LRRTM4: variants seen among roughly 807,000 people sequenced by gnomAD.
LRRTM4 encodes leucine-rich repeat transmembrane neuronal protein 4.
LRRTM4 carries 25 observed loss-of-function variants against 47.6 expected under a neutral mutation model. The ratio of observed to expected loss-of-function variants is 0.53; its 90% CI spans 0.38 to 0.73. The LOEUF (loss-of-function observed/expected upper bound fraction) is 0.73. Among genes scored for constraint, LRRTM4 ranks in the 30% least tolerant of loss-of-function variants. The probability of loss-of-function intolerance (pLI) is 0.00; values close to 1 mark genes in which losing one functional copy is unlikely to be tolerated. For missense variants in LRRTM4, 638 were observed against 713.4 expected (o/e 0.89, Z 1.20); for synonymous variants, 311 against 269.5 (o/e 1.15, Z -1.51).
chr2:77,224,647 C>T (rs953889946), intron 3 of LRRTM4, among the ~76,000 whole-genome samples: 1 of 152,112 alleles, frequency 6.6e-6, no homozygotes, highest in Non-Finnish European at 1.5e-5. Context: ...AAATGCAAAT[C>T]AAAACCACAA....
chr2:77,139,150 G>T (rs757098235), intron 3 of LRRTM4, among the ~76,000 whole-genome samples: 1 of 152,026 alleles, frequency 6.6e-6, no homozygotes, highest in African/African-American at 2.4e-5. Flanking sequence ...TGATACCAAA[G>T]GCTGACAGAG....
chr2:77,451,836 G>A (rs1462355239), intron 3 of LRRTM4, among the ~76,000 whole-genome samples: 2 of 152,180 alleles, frequency 1.3e-5, no homozygotes, highest in Non-Finnish European at 2.9e-5. Flanking sequence ...TTATAGCTGA[G>A]ACACAAATAG....
chr2:77,342,048 A>G (rs966240981), intron 3 of LRRTM4, among the ~76,000 whole-genome samples: 4 of 151,956 alleles, frequency 2.6e-5, no homozygotes, highest in Admixed American at 2.6e-4. Flanking sequence ...GGTAAGTTTT[A>G]TTACTGCACA....
intron 3 of LRRTM4, among the ~76,000 whole-genome samples, chr2:77,052,571 T>C (rs950550851): frequency 2.0e-5 from 3 of 151,968 alleles, no homozygotes; most frequent in African/African-American, 7.3e-5. Context: ...ATCTTTCAAC[T>C]GGTATTTTTT....
intron 3 of LRRTM4, among the ~76,000 whole-genome samples, chr2:77,494,182 T>C (rs541846651): frequency 2.0e-5 from 3 of 152,290 alleles, no homozygotes; most frequent in African/African-American, 7.2e-5. Context: ...GCTGTTCTTG[T>C]ATATAATAAT....
At chr2:76,841,663 AG>A (rs1671686649) in intron 3 of LRRTM4, among the ~76,000 whole-genome samples, 1 of 148,250 alleles carries the variant, frequency 6.7e-6, no homozygotes, top group Admixed American at 6.7e-5. Flanking sequence ...GGTAACCTGG[AG>A]AAAAAAAAAA....
intron 3 of LRRTM4, among the ~76,000 whole-genome samples, chr2:77,283,796 C>G (rs1676573518): frequency 6.6e-6 from 1 of 151,748 alleles, no homozygotes; most frequent in Admixed American, 6.6e-5. Context: ...CTTAACTTGG[C>G]AACAATAAAA....
intron 3 of LRRTM4, among the ~76,000 whole-genome samples, chr2:77,032,663 T>A (rs115689628): frequency 0.018 from 2,778 of 152,252 alleles, 87 homozygotes; most frequent in African/African-American, 0.064. Flanking sequence ...CATTAATATA[T>A]GTTTTATAGT....
Position 77,005,586 on chromosome 2 carries a change from T to G in LRRTM4, c.1552-256670A>C, listed in dbSNP as rs62170210. Among the ~76,000 whole-genome samples, 8 of 152,066 alleles carry G rather than the reference T, an allele frequency of 5.3e-5. 1 individual carries two copies. Among genetic ancestry groups the G allele is most frequent in the Non-Finnish European group, 1.2e-4 (8 of 68,014 alleles). On this transcript the variant is annotated intron_variant, in intron 3 of 3. Coordinates refer to ENST00000409884, the MANE Select transcript of LRRTM4 (RefSeq NM_001134745.3). ...ATGGAAGGGACCCAGTGGGAGGTAATTGAATCATGGGAGCAGATTTTTCTT... is the reference window on the plus strand; with the variant it reads ...ATGGAAGGGACCCAGTGGGAGGTAAGTGAATCATGGGAGCAGATTTTTCTT...
intron 3 of LRRTM4, among the ~76,000 whole-genome samples, chr2:77,008,521 G>A (rs1439650985): frequency 6.6e-6 from 1 of 152,100 alleles, no homozygotes; most frequent in Non-Finnish European, 1.5e-5. Flanking sequence ...AAGGTTGCTG[G>A]CATTGTCACC....
At chr2:76,960,662 G>A (rs1675827204) in intron 3 of LRRTM4, among the ~76,000 whole-genome samples, 1 of 150,342 alleles carries the variant, frequency 6.7e-6, no homozygotes, top group South Asian at 2.1e-4. Context: ...AGATTAAGAT[G>A]GTATAAAAAT....
intron 3 of LRRTM4, among the ~76,000 whole-genome samples, chr2:77,084,883 T>C (rs1680658320): frequency 6.6e-6 from 1 of 152,202 alleles, no homozygotes; most frequent in Non-Finnish European, 1.5e-5. Context: ...GGCCAGAGTT[T>C]AATGTTTAAT....
intron 3 of LRRTM4, among the ~76,000 whole-genome samples, chr2:76,771,142 A>G (rs1673684871): frequency 6.6e-6 from 1 of 152,202 alleles, no homozygotes; most frequent in Non-Finnish European, 1.5e-5. Flanking sequence ...ACTTTTTACA[A>G]GGTAACGAAT....
At chr2:77,417,792 T>A (rs897670344) in intron 3 of LRRTM4, among the ~76,000 whole-genome samples, 31 of 151,976 alleles carry the variant, frequency 2.0e-4, no homozygotes, top group South Asian at 1.0e-3. Context: ...GAATAGCATT[T>A]TGAGATATAC....
At chr2:76,937,633 A>G (rs1675002100) in intron 3 of LRRTM4, among the ~76,000 whole-genome samples, 2 of 152,184 alleles carry the variant, frequency 1.3e-5, no homozygotes, top group Non-Finnish European at 2.9e-5. Context: ...CAGTGGTGCG[A>G]TCCCGACTCA....
At chr2:77,508,807 T>G (rs1161112692) in intron 3 of LRRTM4, among the ~76,000 whole-genome samples, 1 of 152,150 alleles carries the variant, frequency 6.6e-6, no homozygotes, top group African/African-American at 2.4e-5. Flanking sequence ...TACATATATA[T>G]GCAGTAGAGC....
intron 3 of LRRTM4, among the ~76,000 whole-genome samples, chr2:77,224,854 C>G (rs1054999370): frequency 6.6e-6 from 1 of 152,066 alleles, no homozygotes; most frequent in African/African-American, 2.4e-5. Context: ...CCCAGCCATC[C>G]CATTACTGGG....
At position 76,799,939 on chromosome 2, in the gene LRRTM4, A is replaced by G. The variant is rs772345333; in HGVS notation, c.1552-51023T>C. On this transcript the variant is annotated intron_variant, in intron 3 of 3. Transcript: ENST00000409884. ...CAAGGAGAACTACAAACCACTGCTC[A>G]AGGAAATAAAAGAGGATACAAACAA... Among the ~76,000 whole-genome samples the G allele has an allele frequency of 2.0e-5, 3 of 150,928 alleles. No individual in the cohort carries two copies. In the East Asian group the frequency reaches 5.9e-4, roughly 29 times the overall value.
Position 77,048,617 on chromosome 2 carries a change from G to A in LRRTM4, c.1552-299701C>T, listed in dbSNP as rs137899280. 2.1e-3 allele frequency among the ~76,000 whole-genome samples: 319 copies of A among 151,928 alleles called. 1 individual carries two copies. Among genetic ancestry groups the A allele is most frequent in the African/African-American group, 7.3e-3 (304 of 41,496 alleles). ...TTTTGAAACCTTTATTCTCCAGTTT[G>A]AATTTTTCTTATTATTATTTTTAAT... On this transcript the variant is annotated intron_variant, in intron 3 of 3. Transcript: ENST00000409884.
Sources: allele counts gnomAD v4.1 joint callset (sites outside exome capture counted in the v4.1 genomes callset), GRCh38; gene constraint gnomAD v4.1.1; transcripts MANE v1.5; gene names NCBI Gene and HGNC (gene_info 2026-07-23, HGNC 2026-07-21).